The following PDLIM5 variants were observed in gnomAD, a reference collection of about 807,000 sequenced individuals.
PDLIM5 encodes PDZ and LIM domain 5.
A neutral mutation model predicts 64.2 loss-of-function variants in PDLIM5; 34 were observed. The observed-to-expected ratio is 0.53, with a 90% CI of 0.40 to 0.71. The LOEUF is 0.71. Among genes scored for constraint, PDLIM5 ranks in the 30% least tolerant of loss-of-function variants. The pLI, the probability that PDLIM5 is intolerant of heterozygous loss-of-function variation, is 0.00. For synonymous variants in PDLIM5, 253 were observed against 269.1 expected (o/e 0.94, Z 0.59); for missense variants, 683 against 733.6 (o/e 0.93, Z 0.80).
At chr4:94,551,928 A>G (rs1732846095) in intron 3 of PDLIM5, among the ~76,000 whole-genome samples, 1 of 152,180 alleles carries the variant, frequency 6.6e-6, no homozygotes, top group Non-Finnish European at 1.5e-5. Context: ...CATTCTCTAC[A>G]GAAGGACTGA....
intron 9 of PDLIM5, among the ~76,000 whole-genome samples, chr4:94,643,523 G>T (rs1741167995): frequency 6.6e-6 from 1 of 152,144 alleles, no homozygotes; most frequent in Admixed American, 6.5e-5. Flanking sequence ...TATTTCTTAA[G>T]TGTTACATCT....
At chr4:94,581,028 A>C (rs1735690538) in intron 5 of PDLIM5, among the ~76,000 whole-genome samples, 1 of 152,158 alleles carries the variant, frequency 6.6e-6, no homozygotes, top group Non-Finnish European at 1.5e-5. Context: ...AAATATGCTA[A>C]ACATAAACCC....
chr4:94,587,283 C>A (rs202245025), intron 7 of PDLIM5: 714 of 1,084,078 alleles, frequency 6.6e-4, no homozygotes, highest in South Asian at 4.2e-3. Context: ...AATGTAAAAC[C>A]AAAAAAAAAA....
intron 3 of PDLIM5, among the ~76,000 whole-genome samples, chr4:94,556,873 G>A (rs1206062463): frequency 1.3e-5 from 2 of 152,080 alleles, no homozygotes; most frequent in African/African-American, 4.8e-5. Context: ...CACTCTGATG[G>A]TAGTTTCTTT....
chr4:94,578,767 C>A (rs982559695), intron 5 of PDLIM5, among the ~76,000 whole-genome samples: 20 of 151,958 alleles, frequency 1.3e-4, no homozygotes, highest in Admixed American at 1.1e-3. Flanking sequence ...TGCAAAATAC[C>A]TACAACAAAA....
chr4:94,473,462 A>G (rs1467820862), intron 2 of PDLIM5, among the ~76,000 whole-genome samples: 1 of 152,048 alleles, frequency 6.6e-6, no homozygotes, highest in African/African-American at 2.4e-5. Context: ...GGGTTTCACC[A>G]TGTTGGTCAG....
At chr4:94,504,430 G>A (rs1363495598) in intron 2 of PDLIM5, among the ~76,000 whole-genome samples, 2 of 152,072 alleles carry the variant, frequency 1.3e-5, no homozygotes, top group Non-Finnish European at 2.9e-5. Context: ...GGGATTACAG[G>A]TGTGCGCCAC....
In PDLIM5 at chr4:94,648,580, G is replaced by A. The variant is rs148486323; in HGVS notation, c.1284-5880G>A. 5.1e-3 allele frequency among the ~76,000 whole-genome samples: 774 copies of A among 152,300 alleles called. 4 individuals are homozygous for A. The highest frequency in any genetic ancestry group is 0.01 in the Middle Eastern group (3 of 294). Reference sequence around the variant, plus strand: ...CTCCCAAAATGCTGGGATTATAGGCGTGAGCCACCGCACCCGGCCAGTGTC... The same window carrying A: ...CTCCCAAAATGCTGGGATTATAGGCATGAGCCACCGCACCCGGCCAGTGTC... On this transcript the variant is annotated intron_variant, in intron 9 of 12. Coordinates refer to ENST00000317968, the MANE Select transcript of PDLIM5 (RefSeq NM_006457.5).
At chr4:94,506,050 T>C (rs1386491013) in intron 2 of PDLIM5, among the ~76,000 whole-genome samples, 1 of 152,190 alleles carries the variant, frequency 6.6e-6, no homozygotes, top group East Asian at 1.9e-4. Flanking sequence ...CCAGCCACTA[T>C]CATCTCATTA....
At chr4:94,520,143 G>A (rs1194616402) in intron 2 of PDLIM5, among the ~76,000 whole-genome samples, 1 of 152,156 alleles carries the variant, frequency 6.6e-6, no homozygotes, top group Non-Finnish European at 1.5e-5. Flanking sequence ...GTACAGCCAT[G>A]TGTGCTTGCA....
At chr4:94,582,872 T>C in intron 5 of PDLIM5, 1 of 620,042 alleles carries the variant, frequency 1.6e-6, no homozygotes, top group East Asian at 2.8e-5. Context: ...TAAGAAGCAT[T>C]TTTTTTTATG....
At chr4:94,559,324 A>G (rs1189047169) in intron 3 of PDLIM5, among the ~76,000 whole-genome samples, 7 of 152,298 alleles carry the variant, frequency 4.6e-5, no homozygotes, top group African/African-American at 1.7e-4. Flanking sequence ...CTATTTTTAC[A>G]AGGCTGCTCT....
intron 8 of PDLIM5, among the ~76,000 whole-genome samples, chr4:94,629,339 A>T (rs1739959847): frequency 6.6e-6 from 1 of 152,222 alleles, no homozygotes. Context: ...GTTTCAAAAA[A>T]AAAAATAAAG....
intron 5 of PDLIM5, among the ~76,000 whole-genome samples, chr4:94,582,326 A>AT (rs1735800440): frequency 6.6e-6 from 1 of 152,152 alleles, no homozygotes; most frequent in African/African-American, 2.4e-5. Flanking sequence ...CATAATAAGA[A>AT]TTTGGATTCA....
intron 3 of PDLIM5, among the ~76,000 whole-genome samples, chr4:94,565,019 A>C (rs1734194120): frequency 6.6e-6 from 1 of 152,168 alleles, no homozygotes; most frequent in Non-Finnish European, 1.5e-5. Context: ...TCATGGGTTT[A>C]ATAAATATTT....
At chr4:94,531,958 T>C (rs1936570732) in intron 3 of PDLIM5, among the ~76,000 whole-genome samples, 1 of 152,106 alleles carries the variant, frequency 6.6e-6, no homozygotes, top group South Asian at 2.1e-4. Context: ...GCTTATAGGT[T>C]AATGGGCCAC....
chr4:94,665,955 A>G lies in PDLIM5; in HGVS notation c.*1888A>G, dbSNP rs1743062032. ...GGAAACAATTGTGGTAAAACTGTGG[A>G]TCCTGTTGCTATTTGCCCAGTGAGA... is the stretch of plus-strand genomic sequence containing the variant. On this transcript the variant is annotated 3_prime_UTR_variant, in exon 13 of 13. Coordinates refer to ENST00000317968, the MANE Select transcript of PDLIM5 (RefSeq NM_006457.5). 1 of 1,525,532 alleles carries G rather than the reference A, an allele frequency of 6.6e-7. No homozygotes were observed. 94.5% of individuals were successfully genotyped at this position (1,525,532 alleles called of 1,614,324 possible). A position where few individuals can be genotyped will look rare whatever the true frequency, so the allele number is the denominator to read the frequency against.
At position 94,519,941 on chromosome 4, in the gene PDLIM5, AG is replaced by A. The variant is rs376345266; in HGVS notation, c.97-3780del. ...CTTGTCATCCATGATTACAGATAAA[AG>A]GGTTAAAATGCAGCTGTTCCTAGGG... On this transcript the variant is annotated intron_variant, in intron 2 of 12. Transcript: ENST00000317968. 1.6e-3 allele frequency among the ~76,000 whole-genome samples: 246 copies of A among 152,290 alleles called. 1 individual carries two copies. Among genetic ancestry groups the A allele is most frequent in the African/African-American group, 5.3e-3 (219 of 41,566 alleles).
At position 94,640,344 on chromosome 4, in the gene PDLIM5, T is replaced by C. The variant is rs1296408533; in HGVS notation, c.1177T>C (p.Leu393=). Residue 393 remains leucine (L), a synonymous_variant, in exon 9 of 13, where the codon TTG becomes CTG. Coordinates refer to ENST00000317968, the MANE Select transcript of PDLIM5 (RefSeq NM_006457.5). ...ATCAGTGGCACCAGCCAACTCAGCT[T>C]TGGGACAAACCCAGCCAAGTGACCA... ...SGSVAPANSA[L]GQTQPSDQDT... 13 of 1,612,996 alleles carry C rather than the reference T, an allele frequency of 8.1e-6. No homozygotes were observed. Among genetic ancestry groups the C allele is most frequent in the Non-Finnish European group, 1.1e-5 (13 of 1,179,168 alleles).
Sources: allele counts gnomAD v4.1 joint callset (sites outside exome capture counted in the v4.1 genomes callset), GRCh38; gene constraint gnomAD v4.1.1; transcripts MANE v1.5; gene names NCBI Gene and HGNC (gene_info 2026-07-23, HGNC 2026-07-21).